LOXL3: variants seen among roughly 807,000 people sequenced by gnomAD.
LOXL3 encodes lysyl oxidase homolog 3.
LOXL3 carries 60 observed loss-of-function variants against 91.8 expected under a neutral mutation model. The observed-to-expected ratio is 0.65, with a 90% CI of 0.53 to 0.81. The LOEUF is 0.81. Ranked by LOEUF, LOXL3 falls within the 30% of genes least tolerant of loss-of-function variation. LOXL3 has a pLI of 0.00. For synonymous variants in LOXL3, 355 were observed against 387.6 expected, an observed-to-expected ratio of 0.92 and a Z score of 0.99; for missense variants, 874 against 1,000.4, an observed-to-expected ratio of 0.87 and a Z score of 1.70.
At chr2:74,533,718 A>C in intron 13 of LOXL3, 39 bp from the exon 14 acceptor site, 2 of 1,585,062 alleles carry the variant, frequency 1.3e-6, no homozygotes, top group Non-Finnish European at 1.7e-6. Flanking sequence ...CGCCCTGCAC[A>C]GAGGGAGGGA....
rs1676018797 is a variant in LOXL3, at chr2:74,536,311, C to T, written c.1073G>A (p.Ser358Asn). 1 of 1,613,810 alleles carries T rather than the reference C, an allele frequency of 6.2e-7. No homozygotes were observed. The highest frequency in any genetic ancestry group is 1.3e-5 in the African/African-American group (1 of 74,930). ...LGFGSAREAL[S>N]GARMGQGMGA... The stretch of plus-strand genomic sequence containing the variant: ...CTCACCCTGCCCCATGCGAGCGCCA[C>T]TCAGAGCTTCTCGAGCACTCCCGAA... The change falls in exon 6 of 14, where the codon AGT becomes AAT. Residue 358 changes from serine to asparagine, a missense_variant. Physicochemically the swap from Ser to Asn is conservative, Grantham distance 46. Coordinates refer to ENST00000264094, the MANE Select transcript of LOXL3 (RefSeq NM_032603.5). This position sits in a 1 kb window ranked among gnomAD's most constrained non-coding sequence, Gnocchi z 4.5.
upstream of LOXL3, chr2:74,554,827 A>T: frequency 1.2e-6 from 2 of 1,613,376 alleles, no homozygotes; most frequent in Non-Finnish European, 1.7e-6. The surrounding 1 kb of genome is among the most constrained non-coding windows in gnomAD (Gnocchi z 4.9). Context: ...AGTCTGGCGC[A>T]TGGATGCCGA....
At chr2:74,537,991 C>G (rs1676122410) in intron 4 of LOXL3, among the ~76,000 whole-genome samples, 1 of 152,122 alleles carries the variant, frequency 6.6e-6, no homozygotes, top group African/African-American at 2.4e-5. Flanking sequence ...GACTTGAAGC[C>G]ATTGGCTAGG....
At position 74,549,622 on chromosome 2, in the gene LOXL3, G is replaced by C; in HGVS notation, c.478-39C>G. ...CACAAGCAGGGAAAGAATCCCAGTG[G>C]CACCTTTCATGTGTCCCGCCGCCCT... On this transcript the variant is annotated intron_variant, in intron 3 of 13. Coordinates refer to ENST00000264094, the MANE Select transcript of LOXL3 (RefSeq NM_032603.5). This position sits in a 1 kb window ranked among gnomAD's most constrained non-coding sequence, Gnocchi z 5.3. 6.3e-7 allele frequency: 1 copy of C among 1,578,276 alleles called. No homozygotes were observed. The highest frequency in any genetic ancestry group is 2.3e-5 in the East Asian group (1 of 44,050).
chr2:74,553,876 C>G lies in LOXL3; in HGVS notation c.-13G>C, dbSNP rs1476905263. 3 of 152,312 alleles carry G rather than the reference C, an allele frequency of 2.0e-5. No individual in the cohort carries two copies. The highest frequency in any genetic ancestry group is 1.3e-4 in the Admixed American group (2 of 15,260). 9.4% of individuals were successfully genotyped at this position (152,312 alleles called of 1,614,324 possible). A position where few individuals can be genotyped will look rare whatever the true frequency, so the allele number is the denominator to read the frequency against. ...CTGCGGTTAGCGTGACTCCCCCTAC[C>G]TTGGCCGAGCAGGACCCTAAGGGCT... On this transcript the variant is annotated splice_region_variant and 5_prime_UTR_variant, in exon 1 of 14. Coordinates refer to ENST00000264094, the MANE Select transcript of LOXL3 (RefSeq NM_032603.5).
Position 74,535,759 on chromosome 2 carries a change from T to C in LOXL3, c.1249-4A>G, listed in dbSNP as rs1675980811. On this transcript the variant is annotated splice_polypyrimidine_tract_variant and splice_region_variant and intron_variant, in intron 7 of 13. Coordinates refer to ENST00000264094, the MANE Select transcript of LOXL3 (RefSeq NM_032603.5). This position sits in a 1 kb window ranked among gnomAD's most constrained non-coding sequence, Gnocchi z 4.2. ...TGCGGCCCCCACTGAGTCGGATCTG[T>C]AGTGACACAGAATGGAAGCGCTGGA... 6.4e-7 allele frequency: 1 copy of C among 1,555,166 alleles called. No individual in the cohort carries two copies. The highest frequency in any genetic ancestry group is 1.2e-5 in the South Asian group (1 of 80,364).
intron 4 of LOXL3, among the ~76,000 whole-genome samples, chr2:74,544,738 C>T (rs1311745457): frequency 6.6e-6 from 1 of 152,198 alleles, no homozygotes; most frequent in African/African-American, 2.4e-5. Flanking sequence ...TACTGACTTC[C>T]TCTAAAAGCC....
At chr2:74,538,220 A>G (rs1481838175) in intron 4 of LOXL3, among the ~76,000 whole-genome samples, 2 of 152,348 alleles carry the variant, frequency 1.3e-5, no homozygotes, top group South Asian at 2.1e-4. Context: ...GTCTACAATG[A>G]ACAAAATAAA....
intron 4 of LOXL3, among the ~76,000 whole-genome samples, chr2:74,543,298 T>C (rs1425754021): frequency 2.6e-5 from 4 of 152,204 alleles, no homozygotes; most frequent in African/African-American, 4.8e-5. Flanking sequence ...TCACTTCATA[T>C]AGGGCCCTCT....
Position 74,550,258 on chromosome 2 carries a change from G to C in LOXL3, c.404C>G (p.Thr135Arg), listed in dbSNP as rs762811068. 3.1e-6 allele frequency: 5 copies of C among 1,614,158 alleles called. No individual in the cohort carries two copies. Among genetic ancestry groups the C allele is most frequent in the South Asian group, 2.2e-5 (2 of 91,078 alleles). The change falls in exon 3 of 14, where the codon ACG becomes AGG. Residue 135 changes from threonine to arginine, a missense_variant. Thr to Arg is a moderately conservative substitution (Grantham distance 71, BLOSUM62 -1). Transcript: ENST00000264094. ...ASRGWGNSDC[T>R]HDEDAGVICK... ...GATGACCCCAGCATCCTCATCGTGC[G>C]TACAGTCACTGTTCCCCCAGCCCCG...
At position 74,533,885 on chromosome 2, in the gene LOXL3, T is replaced by C. The variant is rs1469431760; in HGVS notation, c.2185A>G (p.Ile729Val). ...GGTTGCTCTTCCCATCAAATACCAA[T>C]GTGGCAGTTGTGCACCCAGATTCTA... ...GHRIWVHNCH[I>V]GDAFSEEANR... Residue 729 changes from isoleucine (I) to valine (V), a missense_variant, in exon 13 of 14, where the codon ATT becomes GTT. By Grantham distance (29) the Ile-to-Val change is conservative. Transcript: ENST00000264094. 7 of 1,611,594 alleles carry C rather than the reference T, an allele frequency of 4.3e-6. No homozygotes were observed. Among genetic ancestry groups the C allele is most frequent in the East Asian group, 2.2e-5 (1 of 44,862 alleles).
In LOXL3 at chr2:74,536,233, A is replaced by G; in HGVS notation, c.1093+58T>C. The G allele has an allele frequency of 3.7e-6, 6 of 1,612,038 alleles. No individual in the cohort carries two copies. ...GGGACACCTAACCTTCCGAAGGAAT[A>G]TGCCCCCCAGGAGCATGTACCTCCT... On this transcript the variant is annotated intron_variant, in intron 6 of 13. Coordinates refer to ENST00000264094, the MANE Select transcript of LOXL3 (RefSeq NM_032603.5). The surrounding 1 kb of genome is among the most constrained non-coding windows in gnomAD (Gnocchi z 4.5).
At chr2:74,552,189 A>G in intron 2 of LOXL3, 133 bp downstream of exon 2, 1 of 804,338 alleles carries the variant, frequency 1.2e-6, no homozygotes, top group South Asian at 1.8e-5. Context: ...TTGGTTTGTC[A>G]TCCATGGATT....
At chr2:74,543,680 C>T (rs1676443049) in intron 4 of LOXL3, among the ~76,000 whole-genome samples, 3 of 151,254 alleles carry the variant, frequency 2.0e-5, no homozygotes, top group South Asian at 4.2e-4. Flanking sequence ...ATCCTGAGGT[C>T]AGGAGATCAA....
upstream of LOXL3, chr2:74,554,424 C>CT: frequency 2.6e-6 from 1 of 383,034 alleles, no homozygotes. This position sits in a 1 kb window ranked among gnomAD's most constrained non-coding sequence, Gnocchi z 4.9. Context: ...GATGTCATGG[C>CT]TTTCACTCTG....
At chr2:74,555,377 A>G, upstream of LOXL3, 3 of 1,613,300 alleles carry the variant, frequency 1.9e-6, no homozygotes, top group Non-Finnish European at 2.5e-6. This position sits in a 1 kb window ranked among gnomAD's most constrained non-coding sequence, Gnocchi z 6.1. Context: ...GACACTGCTC[A>G]GCGCTCGCAC....
Position 74,534,695 on chromosome 2 carries a change from G to C in LOXL3, c.1659C>G (p.Tyr553Ter). 4 of 1,614,224 alleles carry C rather than the reference G, an allele frequency of 2.5e-6. No homozygotes were observed. Among genetic ancestry groups the C allele is most frequent in the Non-Finnish European group, 3.4e-6 (4 of 1,180,044 alleles). The change falls in exon 10 of 14, where the codon TAC (tyrosine) becomes TAG (stop). Residue 553 changes from tyrosine (Y) to a stop codon, truncating the protein, a stop_gained. Coordinates refer to ENST00000264094, the MANE Select transcript of LOXL3 (RefSeq NM_032603.5). LOFTEE classifies it high-confidence loss of function. ...CCAGGCAGTTCTCTTCCGCAGCACA[G>C]TACAACATATGCAGGGGCCGGTCTT... Reference protein sequence around the residue: ...YIEDRPLHMLYCAAEENCLAS... With the variant: ...YIEDRPLHML
Position 74,535,587 on chromosome 2 carries a change from C to T in LOXL3, c.1416+1G>A, listed in dbSNP as rs1675967745. On this transcript the variant is annotated splice_donor_variant, in intron 8 of 13. Coordinates refer to ENST00000264094, the MANE Select transcript of LOXL3 (RefSeq NM_032603.5). LOFTEE classifies it high-confidence loss of function. The surrounding 1 kb of genome is among the most constrained non-coding windows in gnomAD (Gnocchi z 4.2). ...TCGGCTCCCCTTTCCTTCCCACTCA[C>T]CTGCAGGCCGTGGTTGGCGTAGCCC... The T allele has an allele frequency of 1.9e-6, 3 of 1,613,934 alleles. No homozygotes were observed. The highest frequency in any genetic ancestry group is 2.2e-5 in the South Asian group (2 of 91,084).
Position 74,552,492 on chromosome 2 carries a change from C to G in LOXL3, c.143G>C (p.Gly48Ala), listed in dbSNP as rs1677079370. The G allele has an allele frequency of 6.2e-7, 1 of 1,613,418 alleles. No homozygotes were observed. Among genetic ancestry groups the G allele is most frequent in the South Asian group, 1.1e-5 (1 of 91,082 alleles). ...GSQGLRFRLA[G>A]FPRKPYEGRV... ...GCCCTCGTAGGGCTTCCTGGGGAAG[C>G]CAGCCAGCCGGAACCGAAGCCCCTG... Residue 48 changes from glycine to alanine, a missense_variant, in exon 2 of 14, where the codon GGC becomes GCC. By Grantham distance (60) the Gly-to-Ala change is moderately conservative. Coordinates refer to ENST00000264094, the MANE Select transcript of LOXL3 (RefSeq NM_032603.5).
Sources: gnomAD v4.1 joint callset for allele counts (sites outside exome capture counted in the v4.1 genomes callset) on GRCh38, gnomAD v4.1.1 for gene constraint, Gnocchi (gnomAD v3.1) non-coding constraint, MANE v1.5 for transcripts, NCBI Gene and HGNC (gene_info 2026-07-23, HGNC 2026-07-21) for gene names.